The following FRG2C variants were observed in gnomAD, a reference collection of about 807,000 sequenced individuals.
The protein encoded by FRG2C is protein FRG2-like-2.
In FRG2C, 8 loss-of-function variants were observed where a neutral mutation model predicts 14.1. The observed-to-expected ratio is 0.57, with a 90% confidence interval of 0.33 to 1.02. FRG2C has a LOEUF of 1.02. Ranked by LOEUF, FRG2C falls within the 50% of genes least tolerant of loss-of-function variation. The probability of loss-of-function intolerance (pLI) is 0.03; values close to 1 mark genes in which losing one functional copy is unlikely to be tolerated. For missense variants in FRG2C, 214 were observed against 334.2 expected (o/e 0.64, Z 2.80); for synonymous variants, 92 against 127.4 (o/e 0.72, Z 1.87).
chr3:75,666,500 C>T lies in FRG2C; in HGVS notation c.*459C>T, dbSNP rs1173250355. ...GTTCAAACAATTCTCATGCCTCAGC[C>T]TCCCAAGTAGCTGGGACTACAGGCA... On this transcript the variant is annotated 3_prime_UTR_variant, in exon 4 of 4. Transcript: ENST00000308062. The T allele has an allele frequency of 4.7e-4, 114 of 242,522 alleles. No homozygotes were observed. The highest frequency in any genetic ancestry group is 7.3e-4 in the Non-Finnish European group (93 of 126,864). 15.0% of individuals were successfully genotyped at this position (242,522 alleles called of 1,614,324 possible).
intron 1 of FRG2C, 110 bp from the exon 2 acceptor site, chr3:75,664,709 G>C: frequency 6.2e-7 from 1 of 1,605,564 alleles, no homozygotes. Flanking sequence ...GTTCACTCAT[G>C]ACACTGGCAG....
At position 75,665,667 on chromosome 3, in the gene FRG2C, C is replaced by T. The variant is rs1429835499; in HGVS notation, c.475C>T (p.Arg159Trp). The change falls in exon 4 of 4, where the codon CGG becomes TGG. Residue 159 changes from arginine to tryptophan, a missense_variant. By Grantham distance (101) the Arg-to-Trp change is moderately radical. Around this residue, in one of 3 missense-constraint regions of FRG2C, gnomAD observed 136 missense variants for 148.1 expected, o/e 0.92. Transcript: ENST00000308062. ...SSRACTGRSK[R>W]HRSRALEVQT... is the part of the protein sequence containing the mutation. ...CAGGGCTTGCACTGGGCGCAGCAAG[C>T]GGCATAGGTCTCGGGCCCTAGAAGT... 9.3e-6 allele frequency: 15 copies of T among 1,613,940 alleles called. No individual in the cohort carries two copies. Among genetic ancestry groups the T allele is most frequent in the East Asian group, 6.7e-5 (3 of 44,906 alleles).
Position 75,665,593 on chromosome 3 carries a change from A to T in FRG2C, c.401A>T (p.His134Leu). Residue 134 changes from histidine (H) to leucine (L), a missense_variant, in exon 4 of 4, where the codon CAC becomes CTC. Transcript: ENST00000308062. Reference sequence around the variant, plus strand: ...AAATCAAGATCCTCCACTGCTGTGCACAACAGTGAAATCCAGGAGACCTGT... The same window carrying T: ...AAATCAAGATCCTCCACTGCTGTGCTCAACAGTGAAATCCAGGAGACCTGT... ...NKKSRSSTAV[H>L]NSEIQETCDA... 1.2e-6 allele frequency: 2 copies of T among 1,614,052 alleles called. No homozygotes were observed. The highest frequency in any genetic ancestry group is 1.7e-6 in the Non-Finnish European group (2 of 1,179,868).
In FRG2C at chr3:75,666,114, C is replaced by A. The variant is rs76321412; in HGVS notation, c.*73C>A. 3.1e-6 allele frequency: 5 copies of A among 1,597,404 alleles called. No homozygotes were observed. Among genetic ancestry groups the A allele is most frequent in the Non-Finnish European group, 1.7e-6 (2 of 1,172,396 alleles). On this transcript the variant is annotated 3_prime_UTR_variant, in exon 4 of 4. Coordinates refer to ENST00000308062, the MANE Select transcript of FRG2C (RefSeq NM_001124759.5). ...TTCTTCTCAGATTCTTCCAGACGAC[C>A]AGCAGTGACAATTTTAGATGCACTG...
chr3:75,665,829 C>A lies in FRG2C; in HGVS notation c.637C>A (p.Arg213=), dbSNP rs78599742. Residue 213 remains arginine (R), a synonymous_variant, in exon 4 of 4, where the codon CGG becomes AGG. Coordinates refer to ENST00000308062, the MANE Select transcript of FRG2C (RefSeq NM_001124759.5). ...LTCEQLTLLT[R]LRGPLCAQVQ... The stretch of plus-strand genomic sequence containing the variant: ...CTGTGAGCAGCTGACACTGCTCACT[C>A]GGCTCCGGGGGCCTCTGTGTGCCCA... 6.2e-7 allele frequency: 1 copy of A among 1,614,026 alleles called. No homozygotes were observed. Among genetic ancestry groups the A allele is most frequent in the East Asian group, 2.2e-5 (1 of 44,894 alleles).
Position 75,666,234 on chromosome 3 carries a change from C to G in FRG2C, c.*193C>G. 1 of 1,250,112 alleles carries G rather than the reference C, an allele frequency of 8.0e-7. No individual in the cohort carries two copies. Among genetic ancestry groups the G allele is most frequent in the African/African-American group, 1.5e-5 (1 of 65,860 alleles). The allele number at this position is 1,250,112 out of a possible 1,614,324, so 77.4% of individuals were successfully genotyped here. ...CCCTGAATTTTGCAGACCGCTAAGG[C>G]TATAGACAAATTTTATATTTCATGT... is the stretch of plus-strand genomic sequence containing the variant. On this transcript the variant is annotated 3_prime_UTR_variant, in exon 4 of 4. Transcript: ENST00000308062.
intron 1 of FRG2C, 127 bp from the exon 2 acceptor site, chr3:75,664,692 G>A: frequency 6.2e-7 from 1 of 1,607,992 alleles, no homozygotes; most frequent in Non-Finnish European, 8.5e-7. Flanking sequence ...GGGACTTTGA[G>A]AAATGTGTTC....
At chr3:75,664,750 A>T in intron 1 of FRG2C, 69 bp from the exon 2 acceptor site, 1 of 1,611,860 alleles carries the variant, frequency 6.2e-7, no homozygotes, top group Admixed American at 1.7e-5. Flanking sequence ...TGATTCTCAA[A>T]AATGCATGAG....
At position 75,666,681 on chromosome 3, in the gene FRG2C, T is replaced by C. The variant is rs1276792542; in HGVS notation, c.*640T>C. ...AGCCGCTTTACCAAGAAATTGCTTC[T>C]CTTTTAATTCGGAAAAGGTTGTAGG... On this transcript the variant is annotated 3_prime_UTR_variant, in exon 4 of 4. Coordinates refer to ENST00000308062, the MANE Select transcript of FRG2C (RefSeq NM_001124759.5). 2.6e-5 allele frequency: 4 copies of C among 156,008 alleles called. No individual in the cohort carries two copies. The highest frequency in any genetic ancestry group is 7.2e-5 in the African/African-American group (3 of 41,496). The allele number at this position is 156,008 out of a possible 1,614,324, so 9.7% of individuals were successfully genotyped here. A position where few individuals can be genotyped will look rare whatever the true frequency, so the allele number is the denominator to read the frequency against.
In FRG2C at chr3:75,665,208, A is replaced by T; in HGVS notation, c.334+5A>T. 1 of 1,614,058 alleles carries T rather than the reference A, an allele frequency of 6.2e-7. No individual in the cohort carries two copies. The highest frequency in any genetic ancestry group is 8.5e-7 in the Non-Finnish European group (1 of 1,179,834). On this transcript the variant is annotated splice_donor_5th_base_variant and intron_variant, in intron 3 of 3. Coordinates refer to ENST00000308062, the MANE Select transcript of FRG2C (RefSeq NM_001124759.5). The stretch of plus-strand genomic sequence containing the variant: ...ATATCTGCCAAGACAGAGCAGGTAG[A>T]ATCTTGGTGTTTGTTGTTGTTGGTG...
rs1937040498 is a variant in FRG2C at position 75,664,767 on chromosome 3, A to C, written c.179-52A>C. 4 of 1,613,052 alleles carry C rather than the reference A, an allele frequency of 2.5e-6. No individual in the cohort carries two copies. In the Admixed American group the frequency reaches 6.7e-5, roughly 27 times the overall value. ...ATTCTCAAAAATGCATGAGAGATAG[A>C]CTATGGGACTCTGCCTAGGGAGAGG... On this transcript the variant is annotated intron_variant, in intron 1 of 3. Transcript: ENST00000308062.
At position 75,665,286 on chromosome 3, in the gene FRG2C, A is replaced by G. The variant is rs1171000898; in HGVS notation, c.334+83A>G. The G allele has an allele frequency of 2.0e-6, 3 of 1,491,600 alleles. No homozygotes were observed. The African/African-American group carries it at 4.2e-5, about 21-fold the overall frequency. 92.4% of individuals were successfully genotyped at this position (1,491,600 alleles called of 1,614,324 possible). A position where few individuals can be genotyped will look rare whatever the true frequency, so the allele number is the denominator to read the frequency against. On this transcript the variant is annotated intron_variant, in intron 3 of 3. Transcript: ENST00000308062. ...TGCCCCAAAAGGCAAATAATCAGGA[A>G]ACTTTTATACGAGGCTTGAGCGGAA...
At position 75,664,404 on chromosome 3, in the gene FRG2C, G is replaced by C; in HGVS notation, c.25G>C (p.Asp9His). The C allele has an allele frequency of 4.8e-6, 7 of 1,467,068 alleles. No homozygotes were observed. The highest frequency in any genetic ancestry group is 5.6e-6 in the Non-Finnish European group (6 of 1,073,690). 90.9% of individuals were successfully genotyped at this position (1,467,068 alleles called of 1,614,324 possible). MGKGNEDP[D>H]LHCSSIQCST... ...CATGGGAAAGGGAAATGAAGACCCC[G>C]ATCTCCACTGTTCCTCCATCCAGTG... The change falls in exon 1 of 4, where the codon GAT becomes CAT. Residue 9 changes from aspartate to histidine, a missense_variant. Asp to His is a moderately conservative substitution (Grantham distance 81, BLOSUM62 -1). Around this residue, in one of 3 missense-constraint regions of FRG2C, gnomAD observed 23 missense variants for 67.1 expected, o/e 0.34. Transcript: ENST00000308062.
intron 2 of FRG2C, 100 bp from the exon 3 acceptor site, chr3:75,665,026 G>C (rs1937048016): frequency 1.3e-6 from 2 of 1,575,366 alleles, no homozygotes; most frequent in Admixed American, 3.3e-5. Context: ...AAGAGAGCTG[G>C]GGTTTGGCGG....
rs1350206841 is a variant in FRG2C at position 75,665,453 on chromosome 3, G to A, written c.335-74G>A. ...GGGAGAGACAAATGGGGTTCACCTG[G>A]GTGCACAGGGGGTTCTGGAAATGAG... is the stretch of plus-strand genomic sequence containing the variant. On this transcript the variant is annotated intron_variant, in intron 3 of 3. Transcript: ENST00000308062. 3 of 1,557,388 alleles carry A rather than the reference G, an allele frequency of 1.9e-6. No homozygotes were observed. The African/African-American group carries it at 4.1e-5, about 21-fold the overall frequency.
chr3:75,665,010 G>C, intron 2 of FRG2C, 114 bp downstream of exon 2: 1 of 1,592,822 alleles, frequency 6.3e-7, no homozygotes, highest in Non-Finnish European at 8.6e-7. Flanking sequence ...GGACACTGGA[G>C]AACAGAAGAG....
intron 3 of FRG2C, 41 bp from the exon 4 acceptor site, chr3:75,665,486 G>C: frequency 6.3e-7 from 1 of 1,590,824 alleles, no homozygotes; most frequent in Non-Finnish European, 8.6e-7. Context: ...GAGGGTCTGT[G>C]GGGACTGCTC....
chr3:75,665,233 G>A (rs1285783659), intron 3 of FRG2C, 30 bp downstream of exon 3: 1 of 1,609,120 alleles, frequency 6.2e-7, no homozygotes, highest in African/African-American at 1.4e-5. Context: ...TGTTGTTGGT[G>A]GTGGTGGTGG....
rs1366947819 is a variant in FRG2C, at chr3:75,665,686, T to C, written c.494T>C (p.Leu165Pro). ...AGCAAGCGGCATAGGTCTCGGGCCC[T>C]AGAAGTCCAAACACCGTCACTTCGA... ...GRSKRHRSRA[L>P]EVQTPSLRKS... Residue 165 changes from leucine (L) to proline (P), a missense_variant, in exon 4 of 4, where the codon CTA (leucine) becomes CCA (proline). Physicochemically the swap from Leu to Pro is moderately conservative, Grantham distance 98 (BLOSUM62 -3). This residue lies in a region of FRG2C where 136 missense variants were observed against 148.1 expected (regional missense o/e 0.92). Coordinates refer to ENST00000308062, the MANE Select transcript of FRG2C (RefSeq NM_001124759.5). 2.0e-5 allele frequency: 32 copies of C among 1,613,928 alleles called. No individual in the cohort carries two copies. The African/African-American group carries it at 3.9e-4, about 19-fold the overall frequency.
Sources: gnomAD v4.1 joint callset for allele counts on GRCh38, gnomAD v4.1.1 for gene constraint, gnomAD v4.1.1 regional missense constraint, MANE v1.5 for transcripts, NCBI Gene and HGNC (gene_info 2026-07-23, HGNC 2026-07-21) for gene names.